CLN6: variants seen among roughly 807,000 people sequenced by gnomAD.
CLN6 encodes the protein ceroid-lipofuscinosis neuronal protein 6.
In CLN6, 22 loss-of-function variants were observed where a neutral mutation model predicts 33.3. The observed-to-expected ratio is 0.66, with a 90% CI of 0.47 to 0.94. The LOEUF (loss-of-function observed/expected upper bound fraction) is 0.94, where lower values mean the gene tolerates loss of function less well. CLN6 is among the 40% of genes least tolerant of loss of function. CLN6 has a pLI of 0.00. For synonymous variants in CLN6, 201 were observed against 174.6 expected, an observed-to-expected ratio of 1.15 and a Z score of -1.19; for missense variants, 387 against 417.1, an observed-to-expected ratio of 0.93 and a Z score of 0.63.
upstream of CLN6, among the ~76,000 whole-genome samples, chr15:68,231,259 C>G (rs1042712722): frequency 4.0e-5 from 6 of 151,496 alleles, no homozygotes; most frequent in East Asian, 3.9e-4. Flanking sequence ...ACACCTCAAT[C>G]CCCCCCCTCC....
chr15:68,243,384 G>A (rs1349314334), intron 1 of CLN6, among the ~76,000 whole-genome samples: 1 of 152,132 alleles, frequency 6.6e-6, no homozygotes, highest in Non-Finnish European at 1.5e-5. Context: ...AAATTGTAAA[G>A]GGTTCTAAAA....
chr15:68,221,361 G>A lies in CLN6; in HGVS notation c.84-2711C>T, dbSNP rs140869320. On this transcript the variant is annotated intron_variant, in intron 1 of 6. Coordinates refer to ENST00000249806, the MANE Select transcript of CLN6 (RefSeq NM_017882.3). ...ATTCTCCTGCCTCGGCCTGCCGAGT[G>A]CCTGGGATCGCAGGCACACGCCGCC... Among the ~76,000 whole-genome samples, 940 of 152,142 alleles carry A rather than the reference G, an allele frequency of 6.2e-3. 4 individuals are homozygous for A. Among genetic ancestry groups the A allele is most frequent in the East Asian group, 0.033 (167 of 5,138 alleles).
Position 68,241,067 on chromosome 15 carries a change from A to T in CLN6, c.179+15623T>A, listed in dbSNP as rs1374715581. On this transcript the variant is annotated intron_variant, in intron 1 of 6. Coordinates refer to the CLN6 transcript ENST00000538696. This position sits in a 1 kb window ranked among gnomAD's most constrained non-coding sequence, Gnocchi z 4.2. ...AATGAAGAACAGAAGAAAGCTGCAAATATGGAAGAGATGAAAAAGATAAAC... is the reference window on the plus strand; with the variant it reads ...AATGAAGAACAGAAGAAAGCTGCAATTATGGAAGAGATGAAAAAGATAAAC... 6.6e-6 allele frequency among the ~76,000 whole-genome samples: 1 copy of T among 152,178 alleles called. No homozygotes were observed. The highest frequency in any genetic ancestry group is 1.5e-5 in the Non-Finnish European group (1 of 68,032).
At chr15:68,251,788 T>C (rs971916679) in intron 1 of CLN6, among the ~76,000 whole-genome samples, 1 of 152,034 alleles carries the variant, frequency 6.6e-6, no homozygotes, top group Non-Finnish European at 1.5e-5. Context: ...GTAGGTAATA[T>C]AATTGCATAT....
chr15:68,211,541 C>T lies in CLN6; in HGVS notation c.486+134G>A, dbSNP rs765863576. The T allele has an allele frequency of 3.0e-5, 48 of 1,595,540 alleles. No homozygotes were observed. Among genetic ancestry groups the T allele is most frequent in the African/African-American group, 5.3e-5 (4 of 74,824 alleles). On this transcript the variant is annotated intron_variant, in intron 4 of 6. Coordinates refer to ENST00000249806, the MANE Select transcript of CLN6 (RefSeq NM_017882.3). The surrounding 1 kb of genome is among the most constrained non-coding windows in gnomAD (Gnocchi z 5.9). ...CTTGAGCATCCTAGCTTGGGGCAGG[C>T]GACAGTGCCCTCACCTAGCAGAATG...
In CLN6 at chr15:68,256,612, T is replaced by C; in HGVS notation, c.179+78A>G. On this transcript the variant is annotated intron_variant, in intron 1 of 6. Coordinates refer to the CLN6 transcript ENST00000538696. This position sits in a 1 kb window ranked among gnomAD's most constrained non-coding sequence, Gnocchi z 4.1. ...TGGCTGGCTTCAGGGGTGTGGGCAG[T>C]GCAGTCGCACAGGGCCCCACGTTCA... 1.7e-6 allele frequency: 1 copy of C among 586,968 alleles called. No homozygotes were observed. Among genetic ancestry groups the C allele is most frequent in the Admixed American group, 3.0e-5 (1 of 33,710 alleles). 36.4% of individuals were successfully genotyped at this position (586,968 alleles called of 1,614,324 possible).
At chr15:68,218,318 A>C in intron 2 of CLN6, 1 of 489,556 alleles carries the variant, frequency 2.0e-6, no homozygotes, top group Non-Finnish European at 3.8e-6. Context: ...TTCCCCCATG[A>C]GAGTTGGGGC....
At chr15:68,230,027 C>T (rs2093265664), upstream of CLN6, among the ~76,000 whole-genome samples, 1 of 152,104 alleles carries the variant, frequency 6.6e-6, no homozygotes, top group Non-Finnish European at 1.5e-5. The surrounding 1 kb of genome is among the most constrained non-coding windows in gnomAD (Gnocchi z 4.0). Context: ...TTAAATGCTC[C>T]CCGGGGCAGA....
Position 68,246,473 on chromosome 15 carries a change from G to A in CLN6, c.179+10217C>T, listed in dbSNP as rs1892330414. Among the ~76,000 whole-genome samples the A allele has an allele frequency of 6.6e-6, 1 of 151,358 alleles. No homozygotes were observed. The highest frequency in any genetic ancestry group is 2.4e-5 in the African/African-American group (1 of 41,080). On this transcript the variant is annotated intron_variant, in intron 1 of 6. Transcript: ENST00000538696. The surrounding 1 kb of genome is among the most constrained non-coding windows in gnomAD (Gnocchi z 4.5). ...ACAACTTACTCCTGAACAACCAATG[G>A]GTCAATGAAGAAATTAAAAAGAAAA...
intron 1 of CLN6, among the ~76,000 whole-genome samples, chr15:68,255,562 G>C (rs551304202): frequency 1.9e-4 from 29 of 152,114 alleles, no homozygotes; most frequent in Non-Finnish European, 3.8e-4. Context: ...ACTTCATTTG[G>C]GTTTTATAGT....
At chr15:68,240,683 T>TAA (rs76908712) in intron 1 of CLN6, among the ~76,000 whole-genome samples, 13 of 142,690 alleles carry the variant, frequency 9.1e-5, no homozygotes, top group African/African-American at 3.3e-4. Context: ...AAGATTCCTT[T>TAA]AAAAAAAAAA....
rs1335446197 is a variant in CLN6 at position 68,246,438 on chromosome 15, T to A, written c.179+10252A>T. On this transcript the variant is annotated intron_variant, in intron 1 of 6. Transcript: ENST00000538696. This position sits in a 1 kb window ranked among gnomAD's most constrained non-coding sequence, Gnocchi z 4.5. ...GGATCTCAGAAACTACATAAACACA[T>A]AGAAATTAAACAACTTACTCCTGAA... Among the ~76,000 whole-genome samples the A allele has an allele frequency of 6.6e-6, 1 of 151,932 alleles. No individual in the cohort carries two copies. The highest frequency in any genetic ancestry group is 2.4e-5 in the African/African-American group (1 of 41,330).
intron 1 of CLN6, among the ~76,000 whole-genome samples, chr15:68,239,486 C>T (rs997797897): frequency 5.9e-5 from 9 of 152,016 alleles, no homozygotes; most frequent in Non-Finnish European, 8.8e-5. Context: ...ACTATATTGT[C>T]ATTTGACAAA....
At position 68,207,780 on chromosome 15, in the gene CLN6, C is replaced by A; in HGVS notation, c.*360G>T. ...CTGCCCCACCCAGCCCTCTCCTGCACGGCTACCAGAAGATGTCCGGGAAGA... is the reference window on the plus strand; with the variant it reads ...CTGCCCCACCCAGCCCTCTCCTGCAAGGCTACCAGAAGATGTCCGGGAAGA... On this transcript the variant is annotated 3_prime_UTR_variant, in exon 7 of 7. Transcript: ENST00000249806. 1 of 363,050 alleles carries A rather than the reference C, an allele frequency of 2.8e-6. No homozygotes were observed. The highest frequency in any genetic ancestry group is 2.3e-5 in the South Asian group (1 of 43,180). The allele number at this position is 363,050 out of a possible 1,614,324, so 22.5% of individuals were successfully genotyped here.
chr15:68,228,782 G>A lies in CLN6; in HGVS notation c.83+720C>T, dbSNP rs954573256. Among the ~76,000 whole-genome samples, 1 of 152,066 alleles carries A rather than the reference G, an allele frequency of 6.6e-6. No homozygotes were observed. Among genetic ancestry groups the A allele is most frequent in the Non-Finnish European group, 1.5e-5 (1 of 68,018 alleles). On this transcript the variant is annotated intron_variant, in intron 1 of 6. Transcript: ENST00000249806. The surrounding 1 kb of genome is among the most constrained non-coding windows in gnomAD (Gnocchi z 4.4). ...CGTAAGCCTCTCCCACCTTCACCCT[G>A]CCTACCCCCTTACTGCCTGGCACAG... is the stretch of plus-strand genomic sequence containing the variant.
At chr15:68,224,790 C>T (rs190923805) in intron 1 of CLN6, among the ~76,000 whole-genome samples, 17 of 152,242 alleles carry the variant, frequency 1.1e-4, no homozygotes, top group Non-Finnish European at 2.4e-4. Flanking sequence ...ACAGACTTAG[C>T]ACACTGAGCC....
chr15:68,250,329 A>G (rs1395774431), intron 1 of CLN6, among the ~76,000 whole-genome samples: 1 of 152,170 alleles, frequency 6.6e-6, no homozygotes, highest in African/African-American at 2.4e-5. Flanking sequence ...GCTTAAAAAA[A>G]AAAATCAAGC....
In CLN6 at chr15:68,236,531, A is replaced by T. The variant is rs1439856756; in HGVS notation, c.180-17881T>A. On this transcript the variant is annotated intron_variant, in intron 1 of 6. Transcript: ENST00000538696. The surrounding 1 kb of genome is among the most constrained non-coding windows in gnomAD (Gnocchi z 4.5). ...ATGCTGTATTAGGCCATTTATATGA[A>T]ATGTCCAGAATAGGCAAATCTACAG... Among the ~76,000 whole-genome samples, 2 of 152,242 alleles carry T rather than the reference A, an allele frequency of 1.3e-5. No individual in the cohort carries two copies. The highest frequency in any genetic ancestry group is 4.8e-5 in the African/African-American group (2 of 41,458).
Position 68,209,562 on chromosome 15 carries a change from T to C in CLN6, c.665+75A>G, listed in dbSNP as rs371903857. The C allele has an allele frequency of 8.7e-5, 138 of 1,593,578 alleles. No individual in the cohort carries two copies. Among genetic ancestry groups the C allele is most frequent in the Non-Finnish European group, 1.1e-4 (131 of 1,171,038 alleles). On this transcript the variant is annotated intron_variant, in intron 6 of 6. Transcript: ENST00000249806. This position sits in a 1 kb window ranked among gnomAD's most constrained non-coding sequence, Gnocchi z 4.9. ...TCCCTGGGGCCACACAGCAGGTCCATTGGCAAGTGCAGAATTTTGCTGCCG... is the reference window on the plus strand; with the variant it reads ...TCCCTGGGGCCACACAGCAGGTCCACTGGCAAGTGCAGAATTTTGCTGCCG...
Sources: allele counts gnomAD v4.1 joint callset (sites outside exome capture counted in the v4.1 genomes callset), GRCh38; gene constraint gnomAD v4.1.1; non-coding constraint Gnocchi (gnomAD v3.1); transcripts MANE v1.5; gene names NCBI Gene and HGNC (gene_info 2026-07-23, HGNC 2026-07-21).